Variants in ATP2B4 observed in about 807,000 individuals in gnomAD.
The protein encoded by ATP2B4 is plasma membrane calcium-transporting ATPase 4.
In ATP2B4, 39 loss-of-function variants were observed where a neutral mutation model predicts 110.3. The observed-to-expected ratio is 0.35, with a 90% CI of 0.27 to 0.46. ATP2B4 has a LOEUF of 0.46. Ranked by LOEUF, ATP2B4 falls within the 20% of genes least tolerant of loss-of-function variation. The pLI is 1.00. For synonymous variants in ATP2B4, 538 were observed against 571.7 expected (o/e 0.94, Z 0.84); for missense variants, 1,135 against 1,530.9 (o/e 0.74, Z 4.32).
At chr1:203,648,956 C>T (rs938995163) in intron 1 of ATP2B4, among the ~76,000 whole-genome samples, 2 of 152,168 alleles carry the variant, frequency 1.3e-5, no homozygotes, top group Non-Finnish European at 2.9e-5. Flanking sequence ...GCAGCCTTTT[C>T]ACTCTCCTTA....
chr1:203,725,079 T>G (rs772320982), intron 19 of ATP2B4, among the ~76,000 whole-genome samples: 1 of 149,514 alleles, frequency 6.7e-6, no homozygotes, highest in Non-Finnish European at 1.5e-5. Context: ...AGTTTCACCT[T>G]GTTGGCTAGG....
chr1:203,739,070 A>G (rs949398086), intron 20 of ATP2B4, among the ~76,000 whole-genome samples: 2 of 152,154 alleles, frequency 1.3e-5, no homozygotes, highest in Non-Finnish European at 2.9e-5. Context: ...TTAAACAGAT[A>G]ACTAAACCTC....
chr1:203,673,713 T>C (rs1664742274), intron 1 of ATP2B4, among the ~76,000 whole-genome samples: 1 of 152,192 alleles, frequency 6.6e-6, no homozygotes, highest in African/African-American at 2.4e-5. Flanking sequence ...AATGTTGTTT[T>C]AAGTCCTCTC....
At chr1:203,644,249 T>TAAAAA (rs3066210) in intron 1 of ATP2B4, among the ~76,000 whole-genome samples, 3 of 109,968 alleles carry the variant, frequency 2.7e-5, no homozygotes, top group Admixed American at 2.0e-4. Context: ...GACTCCATCT[T>TAAAAA]AAAAAAAAAA....
chr1:203,715,693 C>T (rs558398867), intron 15 of ATP2B4, among the ~76,000 whole-genome samples: 2 of 144,432 alleles, frequency 1.4e-5, no homozygotes, highest in South Asian at 4.8e-4. Flanking sequence ...AGAACAAAAT[C>T]GATGCTTCCT....
chr1:203,669,627 G>T (rs978051837), intron 1 of ATP2B4, among the ~76,000 whole-genome samples: 19 of 151,830 alleles, frequency 1.3e-4, no homozygotes, highest in African/African-American at 3.9e-4. Context: ...AGTAGAGACG[G>T]AGTTTCTCCA....
At chr1:203,698,625 TTTTA>T (rs1373708690) in intron 3 of ATP2B4, among the ~76,000 whole-genome samples, 1 of 151,026 alleles carries the variant, frequency 6.6e-6, no homozygotes, top group Non-Finnish European at 1.5e-5. Flanking sequence ...TTTTAAGACA[TTTTA>T]TTTATTTATT....
At chr1:203,721,951 A>G (rs1347909510) in intron 17 of ATP2B4, among the ~76,000 whole-genome samples, 1 of 152,002 alleles carries the variant, frequency 6.6e-6, no homozygotes, top group Non-Finnish European at 1.5e-5. Flanking sequence ...ATGAGCCACC[A>G]CGCCTGGCTT....
intron 1 of ATP2B4, among the ~76,000 whole-genome samples, chr1:203,676,287 G>T (rs889444569): frequency 6.6e-6 from 1 of 152,206 alleles, no homozygotes; most frequent in Non-Finnish European, 1.5e-5. Context: ...GAGCAATTAG[G>T]GCAGGGCAGA....
Position 203,715,595 on chromosome 1 carries a change from C to CA in ATP2B4, c.2406+1329dup, listed in dbSNP as rs570988196. Reference sequence around the variant, plus strand: ...CATTATATGGGGGGATGGTGTGGGGCAAAAAAAAAAATTTCATTATATGCC... The same window carrying CA: ...CATTATATGGGGGGATGGTGTGGGGCAAAAAAAAAAAATTTCATTATATGCC... On this transcript the variant is annotated intron_variant, in intron 15 of 20. Transcript: ENST00000357681. Among the ~76,000 whole-genome samples the CA allele has an allele frequency of 3.0e-4, 39 of 128,284 alleles. 1 individual carries two copies. Among genetic ancestry groups the CA allele is most frequent in the East Asian group, 9.3e-4 (4 of 4,318 alleles). 84.2% of individuals were successfully genotyped at this position (128,284 alleles called of 152,430 possible).
At chr1:203,647,987 C>G (rs1280962158) in intron 1 of ATP2B4, among the ~76,000 whole-genome samples, 1 of 151,998 alleles carries the variant, frequency 6.6e-6, no homozygotes, top group Non-Finnish European at 1.5e-5. Context: ...GATGGGCAGG[C>G]CAACTTGTGT....
intron 11 of ATP2B4, 74 bp from the exon 12 acceptor site, chr1:203,710,803 A>T: frequency 1.6e-6 from 2 of 1,225,398 alleles, no homozygotes; most frequent in Non-Finnish European, 2.3e-6. Flanking sequence ...GAGTTGCCAA[A>T]ATACCTGTCA....
intron 2 of ATP2B4, among the ~76,000 whole-genome samples, chr1:203,692,496 G>A (rs956684082): frequency 2.0e-5 from 3 of 152,192 alleles, no homozygotes; most frequent in Non-Finnish European, 4.4e-5. Flanking sequence ...TTTTAAGGAA[G>A]GACTTAAAAG....
At chr1:203,630,442 T>C (rs1241907134) in intron 1 of ATP2B4, among the ~76,000 whole-genome samples, 1 of 147,850 alleles carries the variant, frequency 6.8e-6, no homozygotes, top group Non-Finnish European at 1.5e-5. Flanking sequence ...CCCTATCCAC[T>C]AGGACAGAGC....
At chr1:203,635,420 C>A (rs1663408844) in intron 1 of ATP2B4, among the ~76,000 whole-genome samples, 1 of 152,166 alleles carries the variant, frequency 6.6e-6, no homozygotes, top group Non-Finnish European at 1.5e-5. Flanking sequence ...TGCATGCCAC[C>A]ATGGCTGGCT....
intron 14 of ATP2B4, 137 bp from the exon 15 acceptor site, chr1:203,714,034 C>T: frequency 1.3e-6 from 1 of 769,960 alleles, no homozygotes. Context: ...CAACTTACTG[C>T]CCTTAGGTGG....
intron 1 of ATP2B4, among the ~76,000 whole-genome samples, chr1:203,671,444 A>G (rs1460381508): frequency 6.6e-6 from 1 of 152,188 alleles, no homozygotes; most frequent in Non-Finnish European, 1.5e-5. Flanking sequence ...TATAGGCGTG[A>G]GCCACCGCAC....
intron 2 of ATP2B4, among the ~76,000 whole-genome samples, chr1:203,693,660 T>C (rs1329130240): frequency 9.2e-5 from 14 of 152,214 alleles, no homozygotes; most frequent in Admixed American, 9.2e-4. Flanking sequence ...GATGGCGATG[T>C]TACCATCCCT....
chr1:203,635,206 T>G (rs1663403135), intron 1 of ATP2B4, among the ~76,000 whole-genome samples: 1 of 152,114 alleles, frequency 6.6e-6, no homozygotes, highest in Non-Finnish European at 1.5e-5. Context: ...ACTCCCAACC[T>G]CAGGTGATCC....
Sources: gnomAD v4.1 joint callset for allele counts (sites outside exome capture counted in the v4.1 genomes callset) on GRCh38, gnomAD v4.1.1 for gene constraint, MANE v1.5 for transcripts, NCBI Gene and HGNC (gene_info 2026-07-23, HGNC 2026-07-21) for gene names.